LMNTD1: variants seen among roughly 807,000 people sequenced by gnomAD.
LMNTD1 encodes lamin tail domain containing 1, also known as lamin tail domain-containing protein 1.
Under a neutral mutation model 50.9 loss-of-function variants are expected in LMNTD1, and 35 were observed. The observed-to-expected ratio is 0.69, with a 90% CI of 0.53 to 0.91. The LOEUF is 0.91. Among genes scored for constraint, LMNTD1 ranks in the 40% least tolerant of loss-of-function variants. The probability of loss-of-function intolerance (pLI) is 0.00; values close to 1 mark genes in which losing one functional copy is unlikely to be tolerated. For synonymous variants in LMNTD1, 153 were observed against 161.9 expected (o/e 0.94, Z 0.42); for missense variants, 470 against 475.5 (o/e 0.99, Z 0.11).
rs555439456 is a variant in LMNTD1 at position 25,633,143 on chromosome 12, A to G, written c.58+15351T>C. Among the ~76,000 whole-genome samples the G allele has an allele frequency of 9.9e-5, 15 of 152,272 alleles. No homozygotes were observed. In the East Asian group the frequency reaches 2.9e-3, roughly 29 times the overall value. ...GAAAATATCACGATCCTAAACATAT[A>G]TCCACCTAAGACTGGAGTTCCCAAA... On this transcript the variant is annotated intron_variant, in intron 1 of 7. Coordinates refer to the LMNTD1 transcript ENST00000445693.
intron 1 of LMNTD1, among the ~76,000 whole-genome samples, chr12:25,584,155 T>A (rs1945425557): frequency 6.6e-6 from 1 of 152,186 alleles, no homozygotes; most frequent in African/African-American, 2.4e-5. Flanking sequence ...CTCCAGGGAT[T>A]TAGACCTGAG....
chr12:25,634,771 A>G (rs1371912378), intron 1 of LMNTD1, among the ~76,000 whole-genome samples: 6 of 151,854 alleles, frequency 4.0e-5, no homozygotes, highest in Non-Finnish European at 8.8e-5. Context: ...CACTCTCACC[A>G]CTCCTCTTCA....
chr12:25,552,872 G>C lies in LMNTD1; in HGVS notation c.88C>G (p.Gln30Glu), dbSNP rs927672698. ...EQEDKNEKQK[Q>E]REDKLGVYSL... Reference sequence around the variant, plus strand: ...TCCATCGCATCTATGCATGCTCACTGTTTTTGTTTCTCATTCTTATCTTCC... The same window carrying C: ...TCCATCGCATCTATGCATGCTCACTCTTTTTGTTTCTCATTCTTATCTTCC... The change falls in exon 2 of 10, where the codon CAA (glutamine) becomes GAA (glutamate). Residue 30 changes from glutamine to glutamate, a missense_variant and splice_region_variant. Coordinates refer to ENST00000458174, the MANE Select transcript of LMNTD1 (RefSeq NM_001145728.2). 1.3e-6 allele frequency: 2 copies of C among 1,531,924 alleles called. No homozygotes were observed. The highest frequency in any genetic ancestry group is 1.8e-6 in the Non-Finnish European group (2 of 1,129,024). The allele number at this position is 1,531,924 out of a possible 1,614,324, so 94.9% of individuals were successfully genotyped here.
At chr12:25,554,803 C>T (rs1191281278), upstream of LMNTD1, among the ~76,000 whole-genome samples, 2 of 152,168 alleles carry the variant, frequency 1.3e-5, no homozygotes, top group South Asian at 2.1e-4. Flanking sequence ...GTGGTTCCCA[C>T]CTGTAATCCC....
chr12:25,561,735 G>T (rs1423532547), intron 1 of LMNTD1, among the ~76,000 whole-genome samples: 2 of 152,156 alleles, frequency 1.3e-5, no homozygotes, highest in African/African-American at 4.8e-5. Flanking sequence ...AATGTTGGCA[G>T]TGGGGTGTTA....
At chr12:25,488,698 G>A (rs929483292) in intron 9 of LMNTD1, among the ~76,000 whole-genome samples, 44 of 152,322 alleles carry the variant, frequency 2.9e-4, no homozygotes, top group Non-Finnish European at 5.6e-4. Context: ...CTTTGGAGGA[G>A]GAGAGGCACT....
chr12:25,604,720 T>A (rs1311212919), intron 1 of LMNTD1, among the ~76,000 whole-genome samples: 1 of 152,220 alleles, frequency 6.6e-6, no homozygotes, highest in Non-Finnish European at 1.5e-5. Context: ...GGTGTATATG[T>A]GCCATATTTT....
chr12:25,526,284 T>G, intron 5 of LMNTD1, 66 bp from the exon 6 acceptor site: 1 of 1,458,448 alleles, frequency 6.9e-7, no homozygotes, highest in Non-Finnish European at 9.4e-7. Flanking sequence ...TGTCATAGGG[T>G]TACTCCAACA....
intron 1 of LMNTD1, among the ~76,000 whole-genome samples, chr12:25,565,996 T>C (rs1428147410): frequency 4.6e-5 from 7 of 152,188 alleles, no homozygotes; most frequent in African/African-American, 1.7e-4. Flanking sequence ...GGTTATTTCT[T>C]TTCTCTTACT....
intron 4 of LMNTD1, among the ~76,000 whole-genome samples, chr12:25,532,603 C>G (rs117758754): frequency 0.032 from 4,798 of 152,172 alleles, 111 homozygotes; most frequent in Non-Finnish European, 0.043. Context: ...TGGGTGTAAC[C>G]TTCTATGAAA....
At chr12:25,605,103 G>T (rs923164310) in intron 1 of LMNTD1, among the ~76,000 whole-genome samples, 8 of 152,296 alleles carry the variant, frequency 5.3e-5, no homozygotes, top group South Asian at 2.1e-4. Context: ...GGCCAGTGAT[G>T]ATGAGCATTT....
At chr12:25,593,164 T>C (rs1014738057) in intron 1 of LMNTD1, among the ~76,000 whole-genome samples, 3 of 150,136 alleles carry the variant, frequency 2.0e-5, no homozygotes, top group African/African-American at 7.3e-5. Context: ...AAAGGACATA[T>C]ACTCCTGGGA....
intron 9 of LMNTD1, among the ~76,000 whole-genome samples, chr12:25,490,716 T>G (rs553266190): frequency 6.6e-6 from 1 of 152,198 alleles, no homozygotes; most frequent in African/African-American, 2.4e-5. Flanking sequence ...CCTAATTGAA[T>G]ACAGACATTA....
chr12:25,604,676 A>G (rs1240381252), intron 1 of LMNTD1, among the ~76,000 whole-genome samples: 1 of 152,014 alleles, frequency 6.6e-6, no homozygotes, highest in Non-Finnish European at 1.5e-5. Flanking sequence ...AAGGACATGA[A>G]CTCATCATTT....
chr12:25,630,421 C>T (rs1051966243), intron 1 of LMNTD1, among the ~76,000 whole-genome samples: 2 of 152,024 alleles, frequency 1.3e-5, no homozygotes, highest in Admixed American at 6.5e-5. Flanking sequence ...TCAGCAGTCC[C>T]GAGAAGACGC....
chr12:25,560,356 T>C (rs552547043), intron 1 of LMNTD1, among the ~76,000 whole-genome samples: 35 of 152,338 alleles, frequency 2.3e-4, no homozygotes, highest in African/African-American at 7.7e-4. Flanking sequence ...TAGTTGTAGA[T>C]ATGTGGCATT....
chr12:25,488,366 G>A (rs1428648299), intron 9 of LMNTD1, among the ~76,000 whole-genome samples: 1,339 of 115,782 alleles, frequency 0.012, 14 homozygotes, highest in African/African-American at 0.043. Context: ...TTCCCTTCTC[G>A]CTTCATTTCA....
At chr12:25,554,635 C>T (rs1236525692), upstream of LMNTD1, among the ~76,000 whole-genome samples, 1 of 152,116 alleles carries the variant, frequency 6.6e-6, no homozygotes, top group Non-Finnish European at 1.5e-5. Context: ...AGATTCGGGT[C>T]GGGTATTAGT....
At chr12:25,516,212 A>C (rs1449922441) in intron 8 of LMNTD1, among the ~76,000 whole-genome samples, 1 of 152,174 alleles carries the variant, frequency 6.6e-6, no homozygotes, top group East Asian at 1.9e-4. Context: ...ATATCTGTTC[A>C]TACTGAAAAT....
Sources: gnomAD v4.1 joint callset for allele counts (sites outside exome capture counted in the v4.1 genomes callset) on GRCh38, gnomAD v4.1.1 for gene constraint, MANE v1.5 for transcripts, NCBI Gene and HGNC (gene_info 2026-07-23, HGNC 2026-07-21) for gene names.